Variants in CCDC57 observed in about 807,000 individuals in gnomAD.
CCDC57 encodes the protein coiled-coil domain-containing protein 57.
Under a neutral mutation model 118.9 loss-of-function variants are expected in CCDC57, and 118 were observed. The ratio of observed to expected loss-of-function variants is 0.99; its 90% CI spans 0.86 to 1.16. The LOEUF is 1.16. Ranked by LOEUF, CCDC57 falls within the 50% of genes most tolerant of loss-of-function variation. CCDC57 has a pLI of 0.00. For missense variants in CCDC57, 1,300 were observed against 1,320.7 expected (o/e 0.98, Z 0.24); for synonymous variants, 527 against 532.9 (o/e 0.99, Z 0.15).
chr17:82,127,353 C>T, intron 19 of CCDC57: 1 of 180,368 alleles, frequency 5.5e-6, no homozygotes, highest in Non-Finnish European at 7.2e-6. Context: ...ACCTGGGCTC[C>T]ATTCTAAGTC....
At chr17:82,127,493 C>T (rs550877596) in intron 19 of CCDC57, 199 bp downstream of exon 18, 48 of 985,348 alleles carry the variant, frequency 4.9e-5, no homozygotes, top group Non-Finnish European at 5.4e-5. Flanking sequence ...TTCTGCCCTT[C>T]AGGGCTTTGC....
At chr17:82,205,170 A>C (rs2049470249) in intron 2 of CCDC57, among the ~76,000 whole-genome samples, 1 of 152,208 alleles carries the variant, frequency 6.6e-6, no homozygotes, top group South Asian at 2.1e-4. Flanking sequence ...AAATGATGGA[A>C]CACCACTGTG....
intron 19 of CCDC57, among the ~76,000 whole-genome samples, chr17:82,119,088 A>AGGTGGG (rs1327262431): frequency 0.14 from 2,955 of 20,972 alleles, 216 homozygotes; most frequent in African/African-American, 0.35. Flanking sequence ...AGCGGGCGGG[A>AGGTGGG]GGTGGGGGCG....
At chr17:82,187,104 G>A (rs777505619) in intron 8 of CCDC57, among the ~76,000 whole-genome samples, 4 of 151,714 alleles carry the variant, frequency 2.6e-5, no homozygotes, top group Non-Finnish European at 4.4e-5. Flanking sequence ...GGGCATAGTG[G>A]TATATGCCCG....
chr17:82,120,900 C>T (rs574769087), intron 19 of CCDC57, among the ~76,000 whole-genome samples: 35 of 152,286 alleles, frequency 2.3e-4, no homozygotes, highest in Admixed American at 1.2e-3. Flanking sequence ...GGACTACAGG[C>T]GTCCGCCACC....
At chr17:82,134,175 G>T (rs902055826) in exon 17 of CCDC57, 1 of 1,335,782 alleles carries the variant, frequency 7.5e-7, no homozygotes. Context: ...CAGGAGGGAG[G>T]GCGTGGTGCA....
At chr17:82,163,457 C>T (rs1427390166) in intron 13 of CCDC57, 100 bp from the exon 13 acceptor site, 6 of 1,428,332 alleles carry the variant, frequency 4.2e-6, no homozygotes, top group Non-Finnish European at 3.8e-6. Context: ...TCCCGTGAGG[C>T]CATGGCACCA....
chr17:82,161,585 T>C (rs2043342511), intron 14 of CCDC57, among the ~76,000 whole-genome samples: 2 of 152,214 alleles, frequency 1.3e-5, no homozygotes, highest in South Asian at 4.1e-4. Context: ...AATGACGTTC[T>C]GACATATGCA....
intron 19 of CCDC57, among the ~76,000 whole-genome samples, chr17:82,120,136 G>T (rs1387527760): frequency 6.6e-6 from 1 of 151,852 alleles, no homozygotes. Flanking sequence ...CCACTAAATT[G>T]TTAACTATTT....
At chr17:82,171,887 A>G (rs2044787261) in intron 12 of CCDC57, 34 bp from the exon 12 acceptor site, 1 of 1,596,192 alleles carries the variant, frequency 6.3e-7, no homozygotes, top group African/African-American at 1.3e-5. Context: ...TATAACACAT[A>G]CACAGCATCC....
At chr17:82,101,671 G>T (rs768392903) in exon 20 of CCDC57, 1 of 1,591,688 alleles carries the variant, frequency 6.3e-7, no homozygotes, top group Admixed American at 1.8e-5. Context: ...GGGCGGGGTG[G>T]GGGGAGGAAG....
intron 13 of CCDC57, among the ~76,000 whole-genome samples, chr17:82,168,734 C>A (rs2044306550): frequency 7.8e-6 from 1 of 128,594 alleles, no homozygotes. Flanking sequence ...GACTTCAGAA[C>A]AAAGAATGTT....
chr17:82,139,386 A>C (rs2039716883), intron 16 of CCDC57, among the ~76,000 whole-genome samples: 1 of 152,184 alleles, frequency 6.6e-6, no homozygotes, highest in African/African-American at 2.4e-5. Context: ...GTCTCAAAGA[A>C]GACTCCTGAC....
intron 19 of CCDC57, among the ~76,000 whole-genome samples, chr17:82,116,982 G>A (rs1041970012): frequency 1.3e-5 from 2 of 152,134 alleles, no homozygotes; most frequent in African/African-American, 4.8e-5. Context: ...CTTTGAAAAG[G>A]ACAAAAATGT....
chr17:82,116,102 C>CTTTTT (rs34960755), intron 19 of CCDC57, among the ~76,000 whole-genome samples: 20 of 127,806 alleles, frequency 1.6e-4, no homozygotes, highest in African/African-American at 4.2e-4. Context: ...CGGCCACAAC[C>CTTTTT]TTTTTTTTTT....
In CCDC57 at chr17:82,143,754, A is replaced by G. The variant is rs117951025; in HGVS notation, c.2455+7806T>C. On this transcript the variant is annotated intron_variant, in intron 16 of 19. Coordinates refer to ENST00000665763, the Ensembl canonical transcript of CCDC57. The stretch of plus-strand genomic sequence containing the variant: ...CAGGGAAACAAATCCACACTTAGAC[A>G]CAACAATGGTAAAACAGGAGCACCT... Among the ~76,000 whole-genome samples the G allele has an allele frequency of 2.3e-3, 356 of 152,208 alleles. 1 individual carries two copies. Among genetic ancestry groups the G allele is most frequent in the Non-Finnish European group, 4.1e-3 (278 of 68,006 alleles).
chr17:82,172,681 T>A lies in CCDC57; in HGVS notation c.1686A>T (p.Ala562=). Residue 562 remains alanine (A), a synonymous_variant, in exon 12 of 20, where the codon GCA becomes GCT. Transcript: ENST00000665763. The surrounding 1 kb of genome is among the most constrained non-coding windows in gnomAD (Gnocchi z 5.2). Reference sequence around the variant, plus strand: ...CCCCAGCCTCTGGGTCAGGCTGGTTTGCATCTGTGCTCTCTGCCGCTGTCT... The same window carrying A: ...CCCCAGCCTCTGGGTCAGGCTGGTTAGCATCTGTGCTCTCTGCCGCTGTCT... 1 of 1,557,068 alleles carries A rather than the reference T, an allele frequency of 6.4e-7. No individual in the cohort carries two copies. Among genetic ancestry groups the A allele is most frequent in the Non-Finnish European group, 8.7e-7 (1 of 1,150,510 alleles).
At chr17:82,127,267 G>A (rs1457072032) in intron 19 of CCDC57, 7 of 985,024 alleles carry the variant, frequency 7.1e-6, no homozygotes, top group Admixed American at 6.2e-5. Context: ...GCTCTTCCCC[G>A]GGAGCATCGC....
chr17:82,196,709 C>T lies in CCDC57; in HGVS notation c.517-1345G>A, dbSNP rs550647491. On this transcript the variant is annotated intron_variant, in intron 4 of 19. Transcript: ENST00000665763. ...TTCTAGTAACACTTACACCTACCTG[C>T]ATAGACAGAGCCATTTATTACACCT... is the stretch of plus-strand genomic sequence containing the variant. 2.6e-5 allele frequency among the ~76,000 whole-genome samples: 4 copies of T among 152,120 alleles called. No individual in the cohort carries two copies. The East Asian group carries it at 7.7e-4, about 29-fold the overall frequency.
Sources: gnomAD v4.1 joint callset for allele counts (sites outside exome capture counted in the v4.1 genomes callset) on GRCh38, gnomAD v4.1.1 for gene constraint, Gnocchi (gnomAD v3.1) non-coding constraint, MANE v1.5 for transcripts, NCBI Gene and HGNC (gene_info 2026-07-23, HGNC 2026-07-21) for gene names.